Variants in PXYLP1 observed in about 807,000 individuals in gnomAD.
PXYLP1 encodes the protein 2-phosphoxylose phosphatase 1.
A neutral mutation model predicts 37.9 loss-of-function variants in PXYLP1; 17 were observed. The ratio of observed to expected loss-of-function variants is 0.45; its 90% confidence interval spans 0.31 to 0.67. The LOEUF (loss-of-function observed/expected upper bound fraction) is 0.67. PXYLP1 is among the 30% of genes least tolerant of loss of function. The probability of loss-of-function intolerance (pLI) is 0.07; values close to 1 mark genes in which losing one functional copy is unlikely to be tolerated. For synonymous variants in PXYLP1, 221 were observed against 232.2 expected (o/e 0.95, Z 0.44); for missense variants, 511 against 612.0 (o/e 0.84, Z 1.74).
intron 1 of PXYLP1, among the ~76,000 whole-genome samples, chr3:141,251,429 G>A (rs549018690): frequency 6.6e-6 from 1 of 152,292 alleles, no homozygotes; most frequent in Admixed American, 6.5e-5. Context: ...GTCCAATCAC[G>A]ACTCATTGGA....
At chr3:141,273,358 T>C (rs1465778556) in intron 2 of PXYLP1, 9 of 985,480 alleles carry the variant, frequency 9.1e-6, no homozygotes, top group Non-Finnish European at 1.1e-5. Context: ...TAAGGTCTAC[T>C]GTCTGGCTGA....
intron 4 of PXYLP1, among the ~76,000 whole-genome samples, chr3:141,285,438 G>A (rs531783786): frequency 6.6e-6 from 1 of 151,792 alleles, no homozygotes; most frequent in East Asian, 1.9e-4. Flanking sequence ...CACCATGCCC[G>A]GCCTGTTAGC....
intron 2 of PXYLP1, chr3:141,274,420 C>T (rs895225004): frequency 2.2e-5 from 32 of 1,458,502 alleles, no homozygotes; most frequent in South Asian, 2.8e-5. Context: ...CTGTGTTTCA[C>T]GGCCTCCCCT....
At chr3:141,262,391 C>T in intron 2 of PXYLP1, 2 of 1,023,786 alleles carry the variant, frequency 2.0e-6, no homozygotes, top group East Asian at 1.0e-4. Context: ...AAAAATTTTC[C>T]ATCCTTTGGT....
At chr3:141,283,546 G>A (rs528165446) in intron 4 of PXYLP1, among the ~76,000 whole-genome samples, 7 of 152,118 alleles carry the variant, frequency 4.6e-5, no homozygotes, top group African/African-American at 1.7e-4. Flanking sequence ...AGGAAAGCAG[G>A]GCAATGCATT....
At chr3:141,248,029 T>TTTG (rs1253626200) in intron 1 of PXYLP1, among the ~76,000 whole-genome samples, 27 of 148,940 alleles carry the variant, frequency 1.8e-4, no homozygotes, top group African/African-American at 6.1e-4. Flanking sequence ...TTTTGTTTTT[T>TTTG]TTTTTTTTTT....
intron 4 of PXYLP1, among the ~76,000 whole-genome samples, chr3:141,285,144 C>CTTTTTTT (rs147495598): frequency 1.1e-3 from 88 of 78,776 alleles, no homozygotes; most frequent in African/African-American, 1.4e-3. Context: ...TTTTCTTTTT[C>CTTTTTTT]TTTTTTTTTT....
In PXYLP1 at chr3:141,265,994, G is replaced by A. The variant is rs1222453485; in HGVS notation, c.79+5740G>A. On this transcript the variant is annotated intron_variant, in intron 2 of 5. Transcript: ENST00000286353. ...ATGGACATCATTGGAGGTAGCCAGC[G>A]GGCCCAGTGGATGCAGTGTCCTGCC... Among the ~76,000 whole-genome samples the A allele has an allele frequency of 5.3e-5, 8 of 152,288 alleles. No individual in the cohort carries two copies. The East Asian group carries it at 1.4e-3, about 26-fold the overall frequency.
intron 2 of PXYLP1, among the ~76,000 whole-genome samples, chr3:141,272,155 A>G (rs527934858): frequency 6.6e-6 from 1 of 152,290 alleles, no homozygotes; most frequent in South Asian, 2.1e-4. Context: ...TTGACACCCT[A>G]GGGGAAAGAA....
At chr3:141,256,551 C>T (rs113126306) in intron 1 of PXYLP1, among the ~76,000 whole-genome samples, 13 of 152,014 alleles carry the variant, frequency 8.6e-5, no homozygotes, top group Admixed American at 3.9e-4. Flanking sequence ...TGCGCGTGTG[C>T]GCACACACAC....
chr3:141,287,248 A>G, intron 4 of PXYLP1, 66 bp from the exon 5 acceptor site: 1 of 1,567,126 alleles, frequency 6.4e-7, no homozygotes, highest in South Asian at 1.2e-5. Context: ...TGGCTCGCTG[A>G]AGCTGGAAAC....
chr3:141,281,621 C>A (rs1182775238), intron 4 of PXYLP1, among the ~76,000 whole-genome samples: 1 of 152,102 alleles, frequency 6.6e-6, no homozygotes, highest in Admixed American at 6.5e-5. Context: ...GGGGCATGAG[C>A]CAGAAGAGGG....
chr3:141,279,372 G>A lies in PXYLP1; in HGVS notation c.239-6G>A, dbSNP rs13087169. 1,021,115 of 1,613,464 alleles carry A rather than the reference G, an allele frequency of 0.63. 325,428 individuals carry two copies. Among genetic ancestry groups the A allele is most frequent in the South Asian group, 0.7 (63,554 of 91,060 alleles). On this transcript the variant is annotated splice_region_variant and splice_polypyrimidine_tract_variant and intron_variant, in intron 3 of 5. Transcript: ENST00000286353. ...GATAACCAGACAATGTGCTTCTCTC[G>A]CGCAGGTCATGCCCCGCATCATTTT...
At chr3:141,281,641 C>A (rs1197704330) in intron 4 of PXYLP1, among the ~76,000 whole-genome samples, 3 of 152,160 alleles carry the variant, frequency 2.0e-5, no homozygotes, top group African/African-American at 7.2e-5. Context: ...GGCAGCCTGA[C>A]CCCACCTGGG....
chr3:141,238,166 G>A (rs1171570777), intron 1 of PXYLP1, among the ~76,000 whole-genome samples: 1 of 152,230 alleles, frequency 6.6e-6, no homozygotes, highest in Non-Finnish European at 1.5e-5. Flanking sequence ...CTAGCCAGAG[G>A]CAGGAAGCCA....
intron 2 of PXYLP1, chr3:141,273,003 T>G (rs1941705148): frequency 1.0e-6 from 1 of 985,362 alleles, no homozygotes; most frequent in South Asian, 4.7e-5. Flanking sequence ...CAATATTTCC[T>G]TTATATCCAT....
intron 2 of PXYLP1, among the ~76,000 whole-genome samples, chr3:141,268,172 A>AGG (rs1381264656): frequency 1.6e-3 from 166 of 103,790 alleles, no homozygotes; most frequent in Admixed American, 4.0e-3. Flanking sequence ...GGTGGGGGAG[A>AGG]GAGAGAGAGA....
chr3:141,271,012 C>G (rs1361773805), intron 2 of PXYLP1, among the ~76,000 whole-genome samples: 4 of 152,108 alleles, frequency 2.6e-5, no homozygotes, highest in Non-Finnish European at 5.9e-5. Flanking sequence ...TGCCTCAGTC[C>G]CCTGAGTAGC....
In PXYLP1 at chr3:141,292,676, A is replaced by G; in HGVS notation, c.914A>G (p.Asn305Ser). The G allele has an allele frequency of 6.2e-7, 1 of 1,613,810 alleles. No individual in the cohort carries two copies. Among genetic ancestry groups the G allele is most frequent in the Non-Finnish European group, 8.5e-7 (1 of 1,179,854 alleles). Residue 305 changes from asparagine to serine, a missense_variant, in exon 6 of 6, where the codon AAT becomes AGT. Transcript: ENST00000286353. This position sits in a 1 kb window ranked among gnomAD's most constrained non-coding sequence, Gnocchi z 4.3. ...IDSMLCHFCH[N>S]VSFPCTRNGC... Reference sequence around the variant, plus strand: ...TCCATGCTCTGCCACTTCTGCCACAATGTCAGCTTTCCCTGTACCAGAAAT... The same window carrying G: ...TCCATGCTCTGCCACTTCTGCCACAGTGTCAGCTTTCCCTGTACCAGAAAT...
Sources: allele counts gnomAD v4.1 joint callset (sites outside exome capture counted in the v4.1 genomes callset), GRCh38; gene constraint gnomAD v4.1.1; non-coding constraint Gnocchi (gnomAD v3.1); transcripts MANE v1.5; gene names NCBI Gene and HGNC (gene_info 2026-07-23, HGNC 2026-07-21).